ZNF595: variants seen among roughly 807,000 people sequenced by gnomAD.
The protein encoded by ZNF595 is zinc finger protein 595.
Under a neutral mutation model 19.4 loss-of-function variants are expected in ZNF595, and 9 were observed. The observed-to-expected ratio is 0.46, with a 90% CI of 0.28 to 0.81. The LOEUF (loss-of-function observed/expected upper bound fraction) is 0.81. Among genes scored for constraint, ZNF595 ranks in the 30% least tolerant of loss-of-function variants. ZNF595 has a pLI of 0.11. For synonymous variants in ZNF595, 255 were observed against 255.9 expected (o/e 1.00, Z 0.03); for missense variants, 729 against 736.0 (o/e 0.99, Z 0.11).
chr4:75,713 TC>T (rs1274294600), intron 3 of ZNF595, among the ~76,000 whole-genome samples: 3 of 152,272 alleles, frequency 2.0e-5, no homozygotes, highest in Non-Finnish European at 2.9e-5. Context: ...CATGCTGTCT[TC>T]CCTTGTGTTT....
chr4:68,671 T>C (rs1472810540), intron 3 of ZNF595, among the ~76,000 whole-genome samples: 2 of 152,282 alleles, frequency 1.3e-5, no homozygotes, highest in South Asian at 4.1e-4. Context: ...ATTATATCAG[T>C]GATTTTGATG....
In ZNF595 at chr4:71,654, G is replaced by A. The variant is rs148900353; in HGVS notation, c.226+11501G>A. Among the ~76,000 whole-genome samples the A allele has an allele frequency of 2.6e-4, 39 of 152,260 alleles. No individual in the cohort carries two copies. In the East Asian group the frequency reaches 6.9e-3, roughly 27 times the overall value. ...GGTAGAGCCTCACGGGAGCAGCTGAGTGCCCTGATGCTAAAGCACTCTTCT... is the reference window on the plus strand; with the variant it reads ...GGTAGAGCCTCACGGGAGCAGCTGAATGCCCTGATGCTAAAGCACTCTTCT... On this transcript the variant is annotated intron_variant, in intron 3 of 3. Coordinates refer to ENST00000610261, the MANE Select transcript of ZNF595 (RefSeq NM_182524.4).
At chr4:65,140 C>A (rs1436781718) in intron 3 of ZNF595, among the ~76,000 whole-genome samples, 3 of 147,056 alleles carry the variant, frequency 2.0e-5, no homozygotes, top group African/African-American at 5.0e-5. Flanking sequence ...GCTTTGTAAT[C>A]TTCAGTAAGA....
intron 3 of ZNF595, among the ~76,000 whole-genome samples, chr4:84,851 T>G (rs1485003638): frequency 6.6e-6 from 1 of 152,206 alleles, no homozygotes; most frequent in Non-Finnish European, 1.5e-5. Context: ...CCCCTTTAGC[T>G]CATTGAGGAT....
intron 3 of ZNF595, among the ~76,000 whole-genome samples, chr4:79,678 T>G (rs974029308): frequency 1.4e-4 from 21 of 151,604 alleles, no homozygotes; most frequent in African/African-American, 3.1e-4. Context: ...CTTTGTTGTT[T>G]TTTTTTTTTT....
chr4:85,605 T>A, intron 3 of ZNF595, 126 bp from the exon 4 acceptor site: 1 of 1,140,136 alleles, frequency 8.8e-7, no homozygotes, highest in African/African-American at 1.6e-5. Flanking sequence ...GAAGAAATTA[T>A]GGCCTGTGAT....
At chr4:82,371 GGTTTTTTTTTTTTTTTT>G (rs1381887675) in intron 3 of ZNF595, among the ~76,000 whole-genome samples, 3 of 97,714 alleles carry the variant, frequency 3.1e-5, no homozygotes, top group Admixed American at 1.2e-4. Flanking sequence ...TTTGGTTTGT[GGTTTTTTTTTTTTTTTT>G]TTTTTTTTTT....
chr4:77,981 G>C (rs1371047144), intron 3 of ZNF595, among the ~76,000 whole-genome samples: 2 of 152,024 alleles, frequency 1.3e-5, no homozygotes, highest in Non-Finnish European at 2.9e-5. Flanking sequence ...ACACAGCTGA[G>C]ACCAAAGTCT....
intron 3 of ZNF595, among the ~76,000 whole-genome samples, chr4:73,914 C>G (rs1373517444): frequency 6.6e-6 from 1 of 152,020 alleles, no homozygotes; most frequent in Non-Finnish European, 1.5e-5. Flanking sequence ...ACGGTGGGGT[C>G]TGTGCTGACC....
Position 85,872 on chromosome 4 carries a change from G to A in ZNF595, c.368G>A (p.Cys123Tyr), listed in dbSNP as rs530802776. 2.5e-6 allele frequency: 4 copies of A among 1,614,098 alleles called. No individual in the cohort carries two copies. The highest frequency in any genetic ancestry group is 3.4e-6 in the Non-Finnish European group (4 of 1,179,984). The stretch of plus-strand genomic sequence containing the variant: ...AAAGGCTGTAAACGTGTGAATGAGT[G>A]TAAGGTGCAGAAAGGAGTTAATAAT... ...LRKGCKRVNE[C>Y]KVQKGVNNGV... The change falls in exon 4 of 4, where the codon TGT becomes TAT. Residue 123 changes from cysteine to tyrosine, a missense_variant. This residue lies in a region of ZNF595 where 729 missense variants were observed against 675.3 expected (regional missense o/e 1.08). Transcript: ENST00000610261.
At chr4:76,768 A>G (rs930691483) in intron 3 of ZNF595, among the ~76,000 whole-genome samples, 1 of 152,150 alleles carries the variant, frequency 6.6e-6, no homozygotes, top group Non-Finnish European at 1.5e-5. Flanking sequence ...CTTTAAATAT[A>G]TGATCTCACT....
At chr4:80,375 C>A (rs1246590000) in intron 3 of ZNF595, among the ~76,000 whole-genome samples, 1 of 152,154 alleles carries the variant, frequency 6.6e-6, no homozygotes, top group Non-Finnish European at 1.5e-5. Context: ...TGGTATATAC[C>A]TCAACACAAT....
chr4:76,709 A>G (rs1713675193), intron 3 of ZNF595, among the ~76,000 whole-genome samples: 1 of 152,162 alleles, frequency 6.6e-6, no homozygotes, highest in African/African-American at 2.4e-5. Context: ...TTTGTCAGGT[A>G]TACTCTTCTT....
At chr4:80,426 G>C (rs1388841439) in intron 3 of ZNF595, among the ~76,000 whole-genome samples, 1 of 152,170 alleles carries the variant, frequency 6.6e-6, no homozygotes, top group East Asian at 1.9e-4. Context: ...TATCATACTG[G>C]ACAGGAAAGA....
rs1553802115 is a variant in ZNF595, at chr4:87,367, A to C, written c.1863A>C (p.Lys621Asn). The change falls in exon 4 of 4, where the codon AAA becomes AAC. Residue 621 changes from lysine to asparagine, a missense_variant. By Grantham distance (94) the Lys-to-Asn change is moderately conservative (BLOSUM62 0). Around this residue, in one of 2 missense-constraint regions of ZNF595, gnomAD observed 729 missense variants for 675.3 expected, o/e 1.08. Coordinates refer to ENST00000610261, the MANE Select transcript of ZNF595 (RefSeq NM_182524.4). ...TTCATACTGGAGAGAAATCCTACAA[A>C]TGTGAAGAATGTGGCAAAGCTTTTA... ...KIIHTGEKSY[K>N]CEECGKAFNR... 6.2e-7 allele frequency: 1 copy of C among 1,613,498 alleles called. No homozygotes were observed. The highest frequency in any genetic ancestry group is 1.1e-5 in the South Asian group (1 of 90,854).
intron 3 of ZNF595, among the ~76,000 whole-genome samples, chr4:84,066 C>T (rs1183278314): frequency 6.6e-6 from 1 of 151,948 alleles, no homozygotes; most frequent in African/African-American, 2.4e-5. Context: ...ACATTTTAAA[C>T]TGGTTATTTC....
intron 3 of ZNF595, among the ~76,000 whole-genome samples, chr4:84,125 A>G (rs572797375): frequency 4.3e-4 from 66 of 152,298 alleles, no homozygotes; most frequent in African/African-American, 1.6e-3. Context: ...CAACTTTGTT[A>G]TTAATGTCAC....
chr4:55,017 G>A (rs1712563245), intron 1 of ZNF595, among the ~76,000 whole-genome samples: 1 of 150,624 alleles, frequency 6.6e-6, no homozygotes, highest in African/African-American at 2.4e-5. Context: ...GAGTAGCTGG[G>A]ATTACAGGCG....
At chr4:61,157 CT>C (rs1212049874) in intron 3 of ZNF595, among the ~76,000 whole-genome samples, 161 of 146,642 alleles carry the variant, frequency 1.1e-3, no homozygotes, top group Middle Eastern at 3.5e-3. Context: ...TTCTTTTTTT[CT>C]TTTTTTTTTT....
Sources: allele counts gnomAD v4.1 joint callset (sites outside exome capture counted in the v4.1 genomes callset), GRCh38; gene constraint gnomAD v4.1.1; regional missense constraint gnomAD v4.1.1; transcripts MANE v1.5; gene names NCBI Gene and HGNC (gene_info 2026-07-23, HGNC 2026-07-21).